The following PHLDB1 variants were observed in gnomAD, a reference collection of about 807,000 sequenced individuals.
The protein encoded by PHLDB1 is pleckstrin homology-like domain family B member 1.
Under a neutral mutation model 139.3 loss-of-function variants are expected in PHLDB1, and 65 were observed. That is an observed-to-expected ratio of 0.47 (90% CI 0.38 to 0.57). PHLDB1 has a LOEUF of 0.57. Among genes scored for constraint, PHLDB1 ranks in the 20% least tolerant of loss-of-function variants. The pLI, the probability that PHLDB1 is intolerant of heterozygous loss-of-function variation, is 0.00. For synonymous variants in PHLDB1, 679 were observed against 734.5 expected, an observed-to-expected ratio of 0.92 and a Z score of 1.22; for missense variants, 1,624 against 1,839.7, an observed-to-expected ratio of 0.88 and a Z score of 2.14.
intron 18 of PHLDB1, among the ~76,000 whole-genome samples, 164 bp downstream of exon 18, chr11:118,648,240 C>T (rs1056615041): frequency 1.3e-5 from 2 of 151,030 alleles, no homozygotes; most frequent in African/African-American, 2.4e-5. Flanking sequence ...CTCATTGACC[C>T]CAAAACAGAC....
At chr11:118,648,270 TGTGTGTGTGTGTGTGTGTG>T (rs1177391886) in intron 18 of PHLDB1, among the ~76,000 whole-genome samples, 194 bp downstream of exon 18, 6 of 3,072 alleles carry the variant, frequency 2.0e-3, no homozygotes, top group Non-Finnish European at 9.7e-3. Flanking sequence ...CTATTCAAGT[TGTGTGTGTGTGTGTGTGTG>T]TGTGTGTGTG....
In PHLDB1 at chr11:118,645,550, G is replaced by A; in HGVS notation, c.3316G>A (p.Glu1106Lys). The change falls in exon 16 of 23, where the codon GAG (glutamate) becomes AAG (lysine). Residue 1106 changes from glutamate (E) to lysine (K), a missense_variant. By Grantham distance (56) the Glu-to-Lys change is moderately conservative. Transcript: ENST00000600882. This position sits in a 1 kb window ranked among gnomAD's most constrained non-coding sequence, Gnocchi z 5.1. ...PAGRERGEEG[E>K]HAYDTLSLES... ...GGGGCGGGAGCGTGGGGAGGAGGGTGAGCACGCCTATGATACGCTGAGTCT... is the reference window on the plus strand; with the variant it reads ...GGGGCGGGAGCGTGGGGAGGAGGGTAAGCACGCCTATGATACGCTGAGTCT... The A allele has an allele frequency of 6.2e-7, 1 of 1,613,534 alleles. No homozygotes were observed. Among genetic ancestry groups the A allele is most frequent in the Non-Finnish European group, 8.5e-7 (1 of 1,179,754 alleles).
chr11:118,637,813 C>T (rs1945888006), intron 10 of PHLDB1: 1 of 152,230 alleles, frequency 6.6e-6, no homozygotes, highest in African/African-American at 2.4e-5. Context: ...CATCCTTCCC[C>T]CTTACTTACT....
At position 118,617,585 on chromosome 11, in the gene PHLDB1, C is replaced by G. The variant is rs569163941; in HGVS notation, c.355+1374C>G. Reference sequence around the variant, plus strand: ...GGCTCAAGCGATTCTCCTGCCTCAGCCTCCCAAGTAGCTGGGATTACAGGC... The same window carrying G: ...GGCTCAAGCGATTCTCCTGCCTCAGGCTCCCAAGTAGCTGGGATTACAGGC... On this transcript the variant is annotated intron_variant, in intron 4 of 22. Coordinates refer to ENST00000600882, the MANE Select transcript of PHLDB1 (RefSeq NM_001144758.3). Among the ~76,000 whole-genome samples, 12 of 152,160 alleles carry G rather than the reference C, an allele frequency of 7.9e-5. No individual in the cohort carries two copies. The East Asian group carries it at 2.3e-3, about 29-fold the overall frequency.
chr11:118,647,732 T>G (rs776944614), intron 17 of PHLDB1, 198 bp from the exon 18 acceptor site: 14 of 542,298 alleles, frequency 2.6e-5, no homozygotes, highest in Non-Finnish European at 3.9e-5. Context: ...GGCCAGGGTT[T>G]GAAGTCAGGA....
At chr11:118,639,498 A>C in intron 12 of PHLDB1, 8 of 406,198 alleles carry the variant, frequency 2.0e-5, no homozygotes, top group East Asian at 1.0e-4. Context: ...GGCTGAATAT[A>C]TGTGGGGGGA....
rs1945483432 is a variant in PHLDB1, at chr11:118,635,412, C to T, written c.2399C>T (p.Thr800Ile). Reference sequence around the variant, plus strand: ...TTGAAGGAGGCAGAGGCCCTGGAGACTGAGACAAAGCTCTTTGAGGACTTG... The same window carrying T: ...TTGAAGGAGGCAGAGGCCCTGGAGATTGAGACAAAGCTCTTTGAGGACTTG... The part of the protein sequence containing the change: ...ERDKEAEALE[T>I]ETKLFEDLEF... Residue 800 changes from threonine (T) to isoleucine (I), a missense_variant, in exon 10 of 23, where the codon ACT becomes ATT. Thr to Ile is a moderately conservative substitution (Grantham distance 89). Transcript: ENST00000600882. 1 of 1,603,232 alleles carries T rather than the reference C, an allele frequency of 6.2e-7. No homozygotes were observed. The highest frequency in any genetic ancestry group is 1.1e-5 in the South Asian group (1 of 88,742).
At chr11:118,646,359 G>A (rs915016804) in intron 17 of PHLDB1, 5 of 152,306 alleles carry the variant, frequency 3.3e-5, no homozygotes, top group African/African-American at 4.8e-5. Context: ...AACAGAGAAG[G>A]CAGCATAGTA....
chr11:118,656,640 A>T, intron 22 of PHLDB1, 43 bp from the exon 23 acceptor site: 1 of 1,594,870 alleles, frequency 6.3e-7, no homozygotes, highest in Non-Finnish European at 8.6e-7. Flanking sequence ...ATTCCTGGGC[A>T]TGGGTGAGCC....
In PHLDB1 at chr11:118,656,811, G is replaced by C. The variant is rs782216599; in HGVS notation, c.4122G>C (p.Gln1374His). The C allele has an allele frequency of 6.2e-7, 1 of 1,611,972 alleles. No homozygotes were observed. The highest frequency in any genetic ancestry group is 1.1e-5 in the South Asian group (1 of 90,984). Residue 1374 changes from glutamine (Q) to histidine (H), a missense_variant, in exon 23 of 23, where the codon CAG becomes CAC. Transcript: ENST00000600882. ...VIVTGAEGYT[Q>H]FMN ...TCACAGGGGCTGAGGGCTACACTCA[G>C]TTCATGAACTAACTGCCGTGGGCCT...
At chr11:118,629,867 A>C (rs1716686326) in intron 6 of PHLDB1, 1 of 427,680 alleles carries the variant, frequency 2.3e-6, no homozygotes, top group South Asian at 2.0e-5. Context: ...CCCACACATA[A>C]GCACACATCT....
Position 118,639,008 on chromosome 11 carries a change from TC to T in PHLDB1, c.2646+10del, listed in dbSNP as rs1946090053. 6.2e-7 allele frequency: 1 copy of T among 1,609,536 alleles called. No individual in the cohort carries two copies. The highest frequency in any genetic ancestry group is 1.7e-5 in the Admixed American group (1 of 59,822). ...CTTACAGCTGCTGCAAAAGGTAGGG[TC>T]CCTGAGGTTGGGCCGGGAGATTTGG... On this transcript the variant is annotated splice_region_variant and intron_variant, in intron 11 of 22. Coordinates refer to ENST00000600882, the MANE Select transcript of PHLDB1 (RefSeq NM_001144758.3).
In PHLDB1 at chr11:118,639,843, C is replaced by T. The variant is rs114458931; in HGVS notation, c.2736+592C>T. On this transcript the variant is annotated intron_variant, in intron 12 of 22. Transcript: ENST00000600882. ...AAGTGTGAGGGATGCAGCCCCTCAC[C>T]ATGTCCCCTCTCTGTAGGCCGAGCT... 2.6e-3 allele frequency: 2,544 copies of T among 988,348 alleles called. 34 individuals are homozygous for T. The African/African-American group carries it at 0.039, about 15-fold the overall frequency. 61.2% of individuals were successfully genotyped at this position (988,348 alleles called of 1,614,324 possible). A position where few individuals can be genotyped will look rare whatever the true frequency, so the allele number is the denominator to read the frequency against.
Position 118,645,735 on chromosome 11 carries a change from C to T in PHLDB1, c.3417C>T (p.Ser1139=), listed in dbSNP as rs117826294. The T allele has an allele frequency of 1.6e-3, 2,569 of 1,612,964 alleles. 47 individuals are homozygous for T. The East Asian group carries it at 0.038, about 24-fold the overall frequency. Residue 1139 remains serine (S), a splice_region_variant and synonymous_variant, in exon 17 of 23, where the codon AGC becomes AGT. Coordinates refer to ENST00000600882, the MANE Select transcript of PHLDB1 (RefSeq NM_001144758.3). The surrounding 1 kb of genome is among the most constrained non-coding windows in gnomAD (Gnocchi z 5.1). ...CTTCCTCTTCCCCTTCTCTCCCCAG[C>T]GCGAGTGGTCTGGACATGGGGAAGA... ...NSACSPDNMS[S]ASGLDMGKIE...
In PHLDB1 at chr11:118,639,067, C is replaced by G. The variant is rs546726341; in HGVS notation, c.2646+66C>G. Reference sequence around the variant, plus strand: ...TAAGTGGGAGGGGAGTGCAGAAGGACTGGGGTGTAAATGTGCTGGGGTGGA... The same window carrying G: ...TAAGTGGGAGGGGAGTGCAGAAGGAGTGGGGTGTAAATGTGCTGGGGTGGA... On this transcript the variant is annotated intron_variant, in intron 11 of 22. Transcript: ENST00000600882. The G allele has an allele frequency of 2.1e-4, 320 of 1,551,526 alleles. 1 individual carries two copies. The highest frequency in any genetic ancestry group is 2.6e-4 in the Non-Finnish European group (291 of 1,123,340).
rs782010398 is a variant in PHLDB1, at chr11:118,643,873, C to A, written c.2951C>A (p.Ser984Tyr). ...PRTRSGPLPS[S>Y]SGSSSSSSQL... ...ACCCGCAGCGGCCCCCTCCCCTCCT[C>A]CTCTGGCTCTTCCTCCTCCTCCTCC... Residue 984 changes from serine to tyrosine, a missense_variant, in exon 14 of 23, where the codon TCC becomes TAC. Coordinates refer to ENST00000600882, the MANE Select transcript of PHLDB1 (RefSeq NM_001144758.3). 6.2e-7 allele frequency: 1 copy of A among 1,613,040 alleles called. No homozygotes were observed. Among genetic ancestry groups the A allele is most frequent in the South Asian group, 1.1e-5 (1 of 90,946 alleles).
intron 4 of PHLDB1, among the ~76,000 whole-genome samples, chr11:118,618,239 C>A (rs79575049): frequency 1.3e-5 from 2 of 152,096 alleles, no homozygotes; most frequent in Admixed American, 1.3e-4. Flanking sequence ...TGTCTGGGCT[C>A]GCCTGTCTCA....
At position 118,643,859 on chromosome 11, in the gene PHLDB1, C is replaced by T. The variant is rs781906655; in HGVS notation, c.2937C>T (p.Gly979=). Residue 979 remains glycine, a synonymous_variant, in exon 14 of 23, where the codon GGC becomes GGT. Coordinates refer to ENST00000600882, the MANE Select transcript of PHLDB1 (RefSeq NM_001144758.3). ...GCCCCCTTCCCCGGACCCGCAGCGG[C>T]CCCCTCCCCTCCTCCTCTGGCTCTT... ...ATSPLPRTRS[G]PLPSSSGSSS... is the part of the protein sequence containing the mutation. 30 of 1,613,286 alleles carry T rather than the reference C, an allele frequency of 1.9e-5. No individual in the cohort carries two copies. The highest frequency in any genetic ancestry group is 2.5e-5 in the Non-Finnish European group (30 of 1,179,418).
chr11:118,635,262 G>A (rs1945452264), intron 9 of PHLDB1, 131 bp from the exon 10 acceptor site: 1 of 1,055,800 alleles, frequency 9.5e-7, no homozygotes, highest in African/African-American at 1.6e-5. Flanking sequence ...GCGGGAGCTG[G>A]GGGGAGGCAG....
Sources: allele counts gnomAD v4.1 joint callset (sites outside exome capture counted in the v4.1 genomes callset), GRCh38; gene constraint gnomAD v4.1.1; non-coding constraint Gnocchi (gnomAD v3.1); transcripts MANE v1.5; gene names NCBI Gene and HGNC (gene_info 2026-07-23, HGNC 2026-07-21).